Variants in CCDC146 observed in about 807,000 individuals in gnomAD.
CCDC146 encodes the protein coiled-coil domain-containing protein 146.
In CCDC146, 92 loss-of-function variants were observed where a neutral mutation model predicts 119.3. The observed-to-expected ratio is 0.77, with a 90% CI of 0.65 to 0.92. CCDC146 has a LOEUF of 0.92. Among genes scored for constraint, CCDC146 ranks in the 40% least tolerant of loss-of-function variants. The probability of loss-of-function intolerance (pLI) is 0.00; values close to 1 mark genes in which losing one functional copy is unlikely to be tolerated. For missense variants in CCDC146, 1,000 were observed against 1,103.0 expected (o/e 0.91, Z 1.32); for synonymous variants, 372 against 371.8 (o/e 1.00, Z -0.01).
At chr7:77,203,975 A>G (rs956752502) in intron 2 of CCDC146, among the ~76,000 whole-genome samples, 4 of 152,150 alleles carry the variant, frequency 2.6e-5, no homozygotes, top group African/African-American at 9.7e-5. Context: ...TGCATTTTCT[A>G]TAACTGGATC....
In CCDC146 at chr7:77,227,526, C is replaced by T. The variant is rs112434208; in HGVS notation, c.157-9421C>T. ...TTCACCGTGTTAGCCAGCATGGTCT[C>T]GATCTCCTGACCTCGTGATCCGCCT... On this transcript the variant is annotated intron_variant, in intron 2 of 18. Coordinates refer to ENST00000285871, the MANE Select transcript of CCDC146 (RefSeq NM_020879.3). 9.5e-3 allele frequency among the ~76,000 whole-genome samples: 1,452 copies of T among 152,264 alleles called. 11 individuals carry two copies. The highest frequency in any genetic ancestry group is 0.015 in the Non-Finnish European group (1,042 of 68,026).
intron 1 of CCDC146, among the ~76,000 whole-genome samples, chr7:77,133,599 C>A (rs1790817288): frequency 6.6e-6 from 1 of 151,148 alleles, no homozygotes; most frequent in Non-Finnish European, 1.5e-5. Context: ...TTGCCTCGGC[C>A]TCCCAAAGTT....
intron 2 of CCDC146, among the ~76,000 whole-genome samples, chr7:77,233,679 G>A (rs1792679527): frequency 6.6e-6 from 1 of 152,084 alleles, no homozygotes; most frequent in Admixed American, 6.6e-5. Flanking sequence ...TTTCACAATG[G>A]GGTTTATGCT....
intron 5 of CCDC146, among the ~76,000 whole-genome samples, chr7:77,255,098 G>C (rs1220997296): frequency 6.6e-6 from 1 of 152,096 alleles, no homozygotes; most frequent in African/African-American, 2.4e-5. Flanking sequence ...TAGGCTACTT[G>C]GTCTAAGGTC....
chr7:77,180,275 G>A (rs1277528385), intron 2 of CCDC146, among the ~76,000 whole-genome samples: 1 of 147,216 alleles, frequency 6.8e-6, no homozygotes, highest in Non-Finnish European at 1.5e-5. Flanking sequence ...ACCATACACA[G>A]ACACACACAC....
At chr7:77,285,104 A>G (rs554468241) in intron 15 of CCDC146, among the ~76,000 whole-genome samples, 1 of 152,040 alleles carries the variant, frequency 6.6e-6, no homozygotes, top group Non-Finnish European at 1.5e-5. Context: ...AAGGATTATC[A>G]TGAGTCTGTT....
chr7:77,265,824 T>C (rs775394525), intron 9 of CCDC146, among the ~76,000 whole-genome samples: 4 of 152,194 alleles, frequency 2.6e-5, no homozygotes, highest in Non-Finnish European at 4.4e-5. Flanking sequence ...CAGAAACAGG[T>C]GGCCTTTTGC....
rs770033852 is a variant in CCDC146 at position 77,241,682 on chromosome 7, G to A, written c.240-9G>A. On this transcript the variant is annotated splice_polypyrimidine_tract_variant and intron_variant, in intron 3 of 18. Transcript: ENST00000285871. ...CATTATGTGAGTCTCTGTTTTTCAT[G>A]TAACCCAGCACACAAGAGTCAGAGG... 7 of 1,613,324 alleles carry A rather than the reference G, an allele frequency of 4.3e-6. No homozygotes were observed. Among genetic ancestry groups the A allele is most frequent in the Non-Finnish European group, 5.9e-6 (7 of 1,179,646 alleles).
At chr7:77,237,697 C>T (rs1323358329) in intron 3 of CCDC146, among the ~76,000 whole-genome samples, 1 of 152,210 alleles carries the variant, frequency 6.6e-6, no homozygotes, top group African/African-American at 2.4e-5. Flanking sequence ...AAGCTACTTA[C>T]ACCTTGCAAG....
At position 77,170,581 on chromosome 7, in the gene CCDC146, A is replaced by G. The variant is rs543628352; in HGVS notation, c.156+2757A>G. Among the ~76,000 whole-genome samples the G allele has an allele frequency of 2.6e-5, 4 of 152,332 alleles. No homozygotes were observed. In the South Asian group the frequency reaches 8.3e-4, roughly 32 times the overall value. On this transcript the variant is annotated intron_variant, in intron 2 of 18. Coordinates refer to ENST00000285871, the MANE Select transcript of CCDC146 (RefSeq NM_020879.3). The stretch of plus-strand genomic sequence containing the variant: ...CTTTCCACAGTGGCTGAACTAAACT[A>G]AAGAGCCTCTTCACAGCAAAAGAAA...
At chr7:77,143,840 A>C (rs199953093) in intron 1 of CCDC146, among the ~76,000 whole-genome samples, 6 of 151,682 alleles carry the variant, frequency 4.0e-5, no homozygotes, top group South Asian at 2.1e-4. Context: ...AGTTTGAAGT[A>C]AGGTAGCGTG....
intron 9 of CCDC146, among the ~76,000 whole-genome samples, chr7:77,264,338 A>G (rs1237212840): frequency 1.3e-5 from 2 of 152,054 alleles, no homozygotes; most frequent in Non-Finnish European, 2.9e-5. Context: ...GCTCACTGCA[A>G]TCTCCACCTC....
In CCDC146 at chr7:77,240,602, A is replaced by G. The variant is rs150616070; in HGVS notation, c.240-1089A>G. Among the ~76,000 whole-genome samples, 514 of 152,350 alleles carry G rather than the reference A, an allele frequency of 3.4e-3. 3 individuals are homozygous for G. The highest frequency in any genetic ancestry group is 0.012 in the African/African-American group (490 of 41,588). ...GTTGTTATGCTGTATTGTTTAGGCAATCATGACAAGAAAAGTCTGTACATG... is the reference window on the plus strand; with the variant it reads ...GTTGTTATGCTGTATTGTTTAGGCAGTCATGACAAGAAAAGTCTGTACATG... On this transcript the variant is annotated intron_variant, in intron 3 of 18. Coordinates refer to ENST00000285871, the MANE Select transcript of CCDC146 (RefSeq NM_020879.3).
At chr7:77,191,354 G>T (rs1421104686) in intron 2 of CCDC146, among the ~76,000 whole-genome samples, 1 of 152,006 alleles carries the variant, frequency 6.6e-6, no homozygotes, top group East Asian at 1.9e-4. Flanking sequence ...CCGCAGATTT[G>T]ACCCTACCCA....
intron 2 of CCDC146, among the ~76,000 whole-genome samples, chr7:77,189,676 T>C (rs897725001): frequency 2.6e-5 from 4 of 152,202 alleles, no homozygotes; most frequent in Non-Finnish European, 5.9e-5. Context: ...TGATCTCATC[T>C]TCTCACCACC....
Position 77,287,481 on chromosome 7 carries a change from G to A in CCDC146, c.2319G>A (p.Glu773=), listed in dbSNP as rs1457479161. 1 of 1,614,132 alleles carries A rather than the reference G, an allele frequency of 6.2e-7. No homozygotes were observed. Among genetic ancestry groups the A allele is most frequent in the Non-Finnish European group, 8.5e-7 (1 of 1,179,996 alleles). ...CCAAGAAGGAGGAGAAGCTGCTGGAGAAGGATTTCATCTATGAGCAGGTCT... is the reference window on the plus strand; with the variant it reads ...CCAAGAAGGAGGAGAAGCTGCTGGAAAAGGATTTCATCTATGAGCAGGTCT... ...QLAKKEEKLL[E]KDFIYEQVSR... is the part of the protein sequence containing the mutation. Residue 773 remains glutamate (E), a synonymous_variant, in exon 17 of 19, where the codon GAG becomes GAA. Coordinates refer to ENST00000285871, the MANE Select transcript of CCDC146 (RefSeq NM_020879.3).
At chr7:77,144,459 G>A (rs1298077584) in intron 1 of CCDC146, among the ~76,000 whole-genome samples, 1 of 151,706 alleles carries the variant, frequency 6.6e-6, no homozygotes, top group Admixed American at 6.6e-5. Flanking sequence ...CTATGTTGAA[G>A]AGGAGTGGTG....
At chr7:77,271,560 A>G (rs1793522084) in intron 9 of CCDC146, among the ~76,000 whole-genome samples, 1 of 86,420 alleles carries the variant, frequency 1.2e-5, no homozygotes, top group African/African-American at 4.8e-5. Context: ...ATATATATAT[A>G]TATATATATG....
intron 1 of CCDC146, among the ~76,000 whole-genome samples, chr7:77,138,100 T>C (rs1228445693): frequency 1.3e-5 from 2 of 151,722 alleles, no homozygotes; most frequent in Admixed American, 1.3e-4. Context: ...GGAAGGAAGC[T>C]ATAAAGCTAT....
Sources: allele counts gnomAD v4.1 joint callset (sites outside exome capture counted in the v4.1 genomes callset), GRCh38; gene constraint gnomAD v4.1.1; transcripts MANE v1.5; gene names NCBI Gene and HGNC (gene_info 2026-07-23, HGNC 2026-07-21).